Variants in COL14A1 observed in about 807,000 individuals in gnomAD.
COL14A1 encodes collagen alpha-1(XIV) chain.
Under a neutral mutation model 230.3 loss-of-function variants are expected in COL14A1, and 136 were observed. The ratio of observed to expected loss-of-function variants is 0.59; its 90% CI spans 0.51 to 0.68. The LOEUF is 0.68. Among genes scored for constraint, COL14A1 ranks in the 30% least tolerant of loss-of-function variants. The pLI, the probability that COL14A1 is intolerant of heterozygous loss-of-function variation, is 0.00. For missense variants in COL14A1, 1,976 were observed against 2,215.8 expected (o/e 0.89, Z 2.17); for synonymous variants, 792 against 784.1 (o/e 1.01, Z -0.17).
At chr8:120,293,830 A>G (rs188916343) in intron 34 of COL14A1, among the ~76,000 whole-genome samples, 1 of 152,002 alleles carries the variant, frequency 6.6e-6, no homozygotes, top group African/African-American at 2.4e-5. Flanking sequence ...GTGTGTCTAT[A>G]CCTTAAAATT....
At chr8:120,333,969 C>T (rs1303137107) in intron 42 of COL14A1, among the ~76,000 whole-genome samples, 1 of 152,220 alleles carries the variant, frequency 6.6e-6, no homozygotes, top group Non-Finnish European at 1.5e-5. Flanking sequence ...TTCCCAGATC[C>T]TTAACTAAGT....
intron 45 of COL14A1, among the ~76,000 whole-genome samples, chr8:120,363,756 G>A (rs1823309628): frequency 6.6e-6 from 1 of 152,116 alleles, no homozygotes; most frequent in Non-Finnish European, 1.5e-5. Flanking sequence ...GGGCCATGTG[G>A]GCATGAGAAT....
chr8:120,266,103 G>A (rs766434612), intron 24 of COL14A1, among the ~76,000 whole-genome samples: 8 of 152,060 alleles, frequency 5.3e-5, no homozygotes, highest in African/African-American at 1.2e-4. Flanking sequence ...AAATGAATAC[G>A]TAATAACATC....
chr8:120,296,432 A>G (rs1039488070), intron 34 of COL14A1, among the ~76,000 whole-genome samples: 1 of 151,936 alleles, frequency 6.6e-6, no homozygotes, highest in Non-Finnish European at 1.5e-5. Flanking sequence ...ACATGTTTCA[A>G]TAGTACTATC....
intron 5 of COL14A1, among the ~76,000 whole-genome samples, chr8:120,187,767 G>T (rs1270724951): frequency 2.6e-5 from 4 of 152,190 alleles, no homozygotes; most frequent in Non-Finnish European, 1.5e-5. Flanking sequence ...ATTAGCTGTG[G>T]ACACAGCAGG....
intron 35 of COL14A1, among the ~76,000 whole-genome samples, chr8:120,298,293 A>G (rs1820590105): frequency 1.3e-5 from 2 of 151,808 alleles, no homozygotes; most frequent in African/African-American, 4.8e-5. Context: ...ATATTGCTGT[A>G]CTTCTCTTAA....
chr8:120,189,638 C>T (rs1816753938), intron 5 of COL14A1, among the ~76,000 whole-genome samples: 1 of 126,830 alleles, frequency 7.9e-6, no homozygotes, highest in Non-Finnish European at 1.6e-5. Flanking sequence ...TCCCCCCTCC[C>T]CCGACCCCAC....
intron 5 of COL14A1, among the ~76,000 whole-genome samples, chr8:120,170,453 A>G (rs1203514997): frequency 6.6e-6 from 1 of 152,082 alleles, no homozygotes; most frequent in African/African-American, 2.4e-5. Context: ...AGATTTTAGA[A>G]GAAGATATTT....
intron 26 of COL14A1, among the ~76,000 whole-genome samples, chr8:120,271,670 T>C (rs917040505): frequency 5.3e-5 from 8 of 151,458 alleles, no homozygotes; most frequent in African/African-American, 1.9e-4. Flanking sequence ...GAGAATGAGT[T>C]TTGAAACTTC....
rs558159588 is a variant in COL14A1 at position 120,195,621 on chromosome 8, G to A, written c.437-1170G>A. ...GCTGGGGAGGCTTCACAATCATGGC[G>A]AAAGACAAAGGAGAAGCAAAGGCAC... On this transcript the variant is annotated intron_variant, in intron 5 of 47. Coordinates refer to ENST00000297848, the MANE Select transcript of COL14A1 (RefSeq NM_021110.4). Among the ~76,000 whole-genome samples the A allele has an allele frequency of 1.2e-4, 18 of 152,306 alleles. No individual in the cohort carries two copies. The East Asian group carries it at 1.9e-3, about 16-fold the overall frequency.
At chr8:120,145,182 C>A (rs1815045684) in intron 1 of COL14A1, among the ~76,000 whole-genome samples, 1 of 152,098 alleles carries the variant, frequency 6.6e-6, no homozygotes, top group Non-Finnish European at 1.5e-5. Context: ...CCCATTTTAC[C>A]TGTAAAATCA....
At chr8:120,207,217 C>A in intron 10 of COL14A1, 123 bp downstream of exon 10, 1 of 882,724 alleles carries the variant, frequency 1.1e-6, no homozygotes, top group African/African-American at 1.7e-5. Flanking sequence ...AAGAATTTGA[C>A]TGAAATACAT....
chr8:120,192,996 C>T (rs1363440861), intron 5 of COL14A1, among the ~76,000 whole-genome samples: 1 of 152,086 alleles, frequency 6.6e-6, no homozygotes, highest in Non-Finnish European at 1.5e-5. Flanking sequence ...TTTGAATTTC[C>T]TCCTGTAGCT....
chr8:120,266,087 A>G (rs1451627336), intron 24 of COL14A1, among the ~76,000 whole-genome samples: 1 of 152,072 alleles, frequency 6.6e-6, no homozygotes, highest in African/African-American at 2.4e-5. Flanking sequence ...GTCAAATAAG[A>G]ATTAGAAATG....
intron 5 of COL14A1, among the ~76,000 whole-genome samples, chr8:120,169,428 ATTTG>A (rs1217662942): frequency 1.3e-5 from 2 of 152,072 alleles, no homozygotes; most frequent in Non-Finnish European, 2.9e-5. Context: ...ATTATATATC[ATTTG>A]TTTAATTTAC....
At chr8:120,342,288 A>G in intron 43 of COL14A1, 92 bp from the exon 44 acceptor site, 1 of 1,278,642 alleles carries the variant, frequency 7.8e-7, no homozygotes, top group Non-Finnish European at 1.1e-6. Flanking sequence ...CCTGATGGGA[A>G]CAATGGGGCA....
rs1819157304 is a variant in COL14A1 at position 120,256,558 on chromosome 8, A to G, written c.2869+1202A>G. ...GATGTAAGGATCCTTCCAGCCTGAC[A>G]TTGGCTTGACATTTGGGAGTGGTAT... On this transcript the variant is annotated intron_variant, in intron 23 of 47. Coordinates refer to ENST00000297848, the MANE Select transcript of COL14A1 (RefSeq NM_021110.4). Among the ~76,000 whole-genome samples the G allele has an allele frequency of 2.6e-5, 4 of 152,182 alleles. No homozygotes were observed. In the South Asian group the frequency reaches 8.3e-4, roughly 32 times the overall value.
At chr8:120,262,029 A>G (rs1819342780) in intron 23 of COL14A1, among the ~76,000 whole-genome samples, 1 of 152,148 alleles carries the variant, frequency 6.6e-6, no homozygotes, top group South Asian at 2.1e-4. Flanking sequence ...AGGGCTTCTG[A>G]GACCCATACC....
chr8:120,357,845 A>G (rs1274117825), intron 45 of COL14A1, among the ~76,000 whole-genome samples: 5 of 152,198 alleles, frequency 3.3e-5, no homozygotes, highest in African/African-American at 4.8e-5. Context: ...GAAACGCAAG[A>G]TGCAGCTGTG....
Sources: gnomAD v4.1 joint callset for allele counts (sites outside exome capture counted in the v4.1 genomes callset) on GRCh38, gnomAD v4.1.1 for gene constraint, MANE v1.5 for transcripts, NCBI Gene and HGNC (gene_info 2026-07-23, HGNC 2026-07-21) for gene names.